TBX22: variants seen among roughly 807,000 people sequenced by gnomAD.
The protein encoded by TBX22 is T-box transcription factor TBX22.
TBX22 carries 8 observed loss-of-function variants against 30.1 expected under a neutral mutation model. That is an observed-to-expected ratio of 0.27 (90% CI 0.16 to 0.48). TBX22 has a LOEUF of 0.48. Among genes scored for constraint, TBX22 ranks in the 20% least tolerant of loss-of-function variants. TBX22 has a pLI of 0.99. For missense variants in TBX22, 463 were observed against 400.5 expected, an observed-to-expected ratio of 1.16 and a Z score of -1.33; for synonymous variants, 173 against 149.1, an observed-to-expected ratio of 1.16 and a Z score of -1.17.
At chrX:80,017,005 C>CA (rs1270817239) in intron 1 of TBX22, among the ~76,000 whole-genome samples, 4,360 of 29,153 alleles carry the variant, frequency 0.15, 580 homozygotes, top group South Asian at 0.29. Flanking sequence ...GATTCTGTCT[C>CA]AAAAAAAAAA....
At chrX:80,030,304 C>A (rs1046569636) in intron 8 of TBX22, among the ~76,000 whole-genome samples, 194 bp from the exon 9 acceptor site, 1 of 111,898 alleles carries the variant, frequency 8.9e-6, no homozygotes, top group Non-Finnish European at 1.9e-5. Flanking sequence ...ATTAGCGATA[C>A]CTAGTATAGA....
chrX:80,030,965 G>T lies in TBX22; in HGVS notation c.1417G>T (p.Asp473Tyr), dbSNP rs1428508258. Residue 473 changes from aspartate (D) to tyrosine (Y), a missense_variant, in exon 9 of 9, where the codon GAC (aspartate) becomes TAC (tyrosine). Physicochemically the swap from Asp to Tyr is radical, Grantham distance 160 (BLOSUM62 -3). Coordinates refer to ENST00000373296, the MANE Select transcript of TBX22 (RefSeq NM_001109878.2). ...ALSCSFHPSY[D>Y]FYRYNFSMPS... is the part of the protein sequence containing the mutation. ...TAGTTGCTCCTTTCATCCTTCCTATGACTTTTATAGATACAATTTCTCTAT... is the reference window on the plus strand; with the variant it reads ...TAGTTGCTCCTTTCATCCTTCCTATTACTTTTATAGATACAATTTCTCTAT... 2 of 1,210,410 alleles carry T rather than the reference G, an allele frequency of 1.7e-6. No individual in the cohort carries two copies. Among genetic ancestry groups the T allele is most frequent in the African/African-American group, 3.5e-5 (2 of 57,402 alleles).
chrX:80,027,082 A>G (rs746495748), intron 6 of TBX22, among the ~76,000 whole-genome samples, 174 bp from the exon 7 acceptor site: 1 of 112,711 alleles, frequency 8.9e-6, no homozygotes, highest in East Asian at 2.8e-4. Context: ...GTAATGATTT[A>G]TAAATAGGAG....
chrX:80,031,126 T>A lies in TBX22; in HGVS notation c.*15T>A. ...ATTACCTTTAGTAAGACAATAGCAT[T>A]TCTAGAACAATTACATGTAAACAAA... On this transcript the variant is annotated 3_prime_UTR_variant, in exon 9 of 9. Coordinates refer to ENST00000373296, the MANE Select transcript of TBX22 (RefSeq NM_001109878.2). 8.4e-7 allele frequency: 1 copy of A among 1,195,756 alleles called. No homozygotes were observed. Among genetic ancestry groups the A allele is most frequent in the Non-Finnish European group, 1.1e-6 (1 of 884,026 alleles).
chrX:80,024,971 C>A (rs6621556), intron 4 of TBX22, among the ~76,000 whole-genome samples: 9,656 of 110,768 alleles, frequency 0.087, 356 homozygotes, highest in East Asian at 0.26. Flanking sequence ...GACAGCCCAC[C>A]TCAAAACCAG....
intron 1 of TBX22, among the ~76,000 whole-genome samples, chrX:80,017,211 C>G (rs1417094461): frequency 9.2e-6 from 1 of 108,995 alleles, no homozygotes; most frequent in African/African-American, 3.4e-5. Flanking sequence ...TATGACTGTG[C>G]AAGTGCCAAT....
intron 1 of TBX22, among the ~76,000 whole-genome samples, chrX:80,017,906 C>T (rs1923523474): frequency 8.9e-6 from 1 of 112,042 alleles, no homozygotes; most frequent in African/African-American, 3.2e-5. Flanking sequence ...AGTATGAACA[C>T]ATGATTAAAT....
In TBX22 at chrX:80,026,842, A is replaced by G; in HGVS notation, c.772A>G (p.Thr258Ala). The change falls in exon 6 of 9, where the codon ACA becomes GCA. Residue 258 changes from threonine to alanine, a missense_variant. Coordinates refer to ENST00000373296, the MANE Select transcript of TBX22 (RefSeq NM_001109878.2). ...TFSFKETEFT[T>A]VTAYQNQQIT... The stretch of plus-strand genomic sequence containing the variant: ...CTCCTTTAAAGAAACTGAGTTCACC[A>G]CAGTAACGGCTTACCAAAACCAACA... The G allele has an allele frequency of 8.3e-7, 1 of 1,211,958 alleles. No homozygotes were observed. The highest frequency in any genetic ancestry group is 1.1e-6 in the Non-Finnish European group (1 of 895,526).
chrX:80,027,953 G>A lies in TBX22; in HGVS notation c.864-38G>A, dbSNP rs769096758. ...CTCAAAATCATTATTTTCAGAAATTGCATTCTGGGGATGCTGAAAGTTGAC... is the reference window on the plus strand; with the variant it reads ...CTCAAAATCATTATTTTCAGAAATTACATTCTGGGGATGCTGAAAGTTGAC... On this transcript the variant is annotated intron_variant, in intron 7 of 8. Coordinates refer to ENST00000373296, the MANE Select transcript of TBX22 (RefSeq NM_001109878.2). 8.0e-5 allele frequency: 81 copies of A among 1,015,715 alleles called. 2 individuals are homozygous for A. In the South Asian group the frequency reaches 1.4e-3, roughly 18 times the overall value. The allele number at this position is 1,015,715 out of a possible 1,213,427, so 83.7% of individuals were successfully genotyped here.
At chrX:80,017,280 T>TTTTGTGTGTG (rs1555990863) in intron 1 of TBX22, among the ~76,000 whole-genome samples, 1 of 93,955 alleles carries the variant, frequency 1.1e-5, no homozygotes, top group African/African-American at 4.0e-5. Context: ...GGTGTTGTTT[T>TTTTGTGTGTG]TGTGTGTGTG....
chrX:80,021,286 A>C (rs1025921897), intron 1 of TBX22, among the ~76,000 whole-genome samples: 5 of 111,932 alleles, frequency 4.5e-5, no homozygotes, highest in African/African-American at 1.6e-4. Context: ...GACTATGTAT[A>C]GGAATATTGG....
At chrX:80,027,927 A>G (rs763382995) in intron 7 of TBX22, 64 bp from the exon 8 acceptor site, 23 of 852,733 alleles carry the variant, frequency 2.7e-5, no homozygotes, top group Non-Finnish European at 4.0e-5. Context: ...TAGCAAAATA[A>G]CTCAAAATCA....
intron 1 of TBX22, among the ~76,000 whole-genome samples, chrX:80,020,495 T>A (rs1040962995): frequency 8.9e-6 from 1 of 112,158 alleles, no homozygotes; most frequent in Admixed American, 9.5e-5. Flanking sequence ...CCTGTGAGGT[T>A]CACTTTGCCT....
intron 4 of TBX22, 100 bp downstream of exon 4, chrX:80,024,264 A>G (rs1211453915): frequency 2.0e-6 from 1 of 508,128 alleles, no homozygotes; most frequent in Admixed American, 2.7e-5. Flanking sequence ...AAACTCTAGC[A>G]TGGGGGGTGG....
At chrX:80,030,420 G>A in intron 8 of TBX22, 78 bp from the exon 9 acceptor site, 2 of 1,124,263 alleles carry the variant, frequency 1.8e-6, no homozygotes, top group Non-Finnish European at 2.4e-6. Flanking sequence ...AGCACAGATA[G>A]TGAAGGATAT....
rs1445663868 is a variant in TBX22, at chrX:80,026,740, G to A, written c.670G>A (p.Val224Met). The A allele has an allele frequency of 4.5e-5, 55 of 1,211,491 alleles. No homozygotes were observed. The highest frequency in any genetic ancestry group is 5.9e-5 in the Non-Finnish European group (53 of 895,210). ...ATCCATGCATAAGTACAAACCCCGA[G>A]TGCACGTGATAGAGCAAGGCAGCAG... ...LQSMHKYKPRVHVIEQGSSVD... is the reference protein window; with the variant it reads ...LQSMHKYKPRMHVIEQGSSVD... Residue 224 changes from valine (V) to methionine (M), a missense_variant, in exon 6 of 9, where the codon GTG (valine) becomes ATG (methionine). Physicochemically the swap from Val to Met is conservative, Grantham distance 21. Coordinates refer to ENST00000373296, the MANE Select transcript of TBX22 (RefSeq NM_001109878.2).
chrX:80,031,168 A>G lies in TBX22; in HGVS notation c.*57A>G. ...GTAAACAAATATTTTCTTTATTTGTAGCCAAAGAAATTTCAACAGTTATTG... is the reference window on the plus strand; with the variant it reads ...GTAAACAAATATTTTCTTTATTTGTGGCCAAAGAAATTTCAACAGTTATTG... On this transcript the variant is annotated 3_prime_UTR_variant, in exon 9 of 9. Transcript: ENST00000373296. 1 of 1,103,285 alleles carries G rather than the reference A, an allele frequency of 9.1e-7. No individual in the cohort carries two copies. The highest frequency in any genetic ancestry group is 1.2e-6 in the Non-Finnish European group (1 of 812,671). 90.9% of individuals were successfully genotyped at this position (1,103,285 alleles called of 1,213,427 possible). A position where few individuals can be genotyped will look rare whatever the true frequency, so the allele number is the denominator to read the frequency against.
chrX:80,016,787 C>T (rs1051522356), intron 1 of TBX22, among the ~76,000 whole-genome samples: 2 of 110,487 alleles, frequency 1.8e-5, no homozygotes, highest in Non-Finnish European at 3.8e-5. Flanking sequence ...AGGCAGATCA[C>T]CTGAGGTCAG....
At chrX:80,018,784 TA>T (rs1473774276) in intron 1 of TBX22, among the ~76,000 whole-genome samples, 1 of 111,949 alleles carries the variant, frequency 8.9e-6, no homozygotes, top group African/African-American at 3.2e-5. Context: ...ATAATAGCTT[TA>T]AATGGTTAAA....
Sources: allele counts gnomAD v4.1 joint callset (sites outside exome capture counted in the v4.1 genomes callset), GRCh38; gene constraint gnomAD v4.1.1; transcripts MANE v1.5; gene names NCBI Gene and HGNC (gene_info 2026-07-23, HGNC 2026-07-21).